The following DEPTOR variants were observed in gnomAD, a reference collection of about 807,000 sequenced individuals.
The protein encoded by DEPTOR is DEP domain containing MTOR interacting protein.
A neutral mutation model predicts 41.6 loss-of-function variants in DEPTOR; 41 were observed. That is an observed-to-expected ratio of 0.98 (90% CI 0.77 to 1.28). The LOEUF is 1.28. DEPTOR is among the 50% of genes most tolerant of loss of function. The probability of loss-of-function intolerance (pLI) is 0.00; values close to 1 mark genes in which losing one functional copy is unlikely to be tolerated. For synonymous variants in DEPTOR, 195 were observed against 192.3 expected (o/e 1.01, Z -0.12); for missense variants, 514 against 527.9 (o/e 0.97, Z 0.26).
intron 4 of DEPTOR, among the ~76,000 whole-genome samples, chr8:119,983,917 G>A (rs748340673): frequency 3.3e-5 from 5 of 152,172 alleles, no homozygotes; most frequent in Middle Eastern, 3.4e-3. Flanking sequence ...TATCTCTTCA[G>A]TCTCAAAAGC....
At chr8:120,030,497 G>GTTTTTTTTTTTGTTTTTTTTTTTTT (rs1812871335) in intron 8 of DEPTOR, among the ~76,000 whole-genome samples, 1 of 46,192 alleles carries the variant, frequency 2.2e-5, no homozygotes, top group Non-Finnish European at 3.7e-5. Flanking sequence ...AGGTTCATCA[G>GTTTTTTTTTTTGTTTTTTTTTTTTT]TTTTTTTTTT....
intron 8 of DEPTOR, among the ~76,000 whole-genome samples, chr8:120,024,234 C>T (rs1811549163): frequency 6.6e-6 from 1 of 151,824 alleles, no homozygotes; most frequent in Admixed American, 6.6e-5. Context: ...AAGACTCTGT[C>T]TCAAAAATGA....
chr8:119,955,332 G>A (rs1291305989), intron 3 of DEPTOR, among the ~76,000 whole-genome samples: 1 of 152,048 alleles, frequency 6.6e-6, no homozygotes, highest in African/African-American at 2.4e-5. Flanking sequence ...TTGTGCTTTT[G>A]GCCTCCTATC....
In DEPTOR at chr8:120,005,858, CAGG is replaced by C. The variant is rs949184036; in HGVS notation, c.926-942_926-940del. Among the ~76,000 whole-genome samples the C allele has an allele frequency of 4.3e-4, 66 of 152,236 alleles. No homozygotes were observed. The East Asian group carries it at 6.4e-3, about 15-fold the overall frequency. On this transcript the variant is annotated intron_variant, in intron 6 of 8. Coordinates refer to ENST00000286234, the MANE Select transcript of DEPTOR (RefSeq NM_022783.4). ...AGTGAGCTGATGTGAACGGGTGTCT[CAGG>C]AGGACAGCATGCCACTATCTTCCTG...
intron 4 of DEPTOR, among the ~76,000 whole-genome samples, chr8:119,995,699 C>G (rs769593056): frequency 1.3e-5 from 2 of 152,100 alleles, no homozygotes; most frequent in Non-Finnish European, 2.9e-5. Flanking sequence ...GAAATGATGT[C>G]TCTTTTAGCA....
chr8:119,937,445 G>T (rs890505406), intron 3 of DEPTOR, among the ~76,000 whole-genome samples: 12 of 152,176 alleles, frequency 7.9e-5, no homozygotes, highest in Non-Finnish European at 1.3e-4. Context: ...CACTTTCACA[G>T]TTTACTTGTG....
chr8:120,039,969 A>G (rs1188320089), intron 8 of DEPTOR, among the ~76,000 whole-genome samples: 2 of 151,946 alleles, frequency 1.3e-5, no homozygotes, highest in Non-Finnish European at 2.9e-5. Context: ...TCAGCCTCCC[A>G]AGTAGCTGGG....
rs529169261 is a variant in DEPTOR at position 119,967,131 on chromosome 8, T to G, written c.604+1721T>G. ...TCTCTCTTTGTCACCCAGGCTGGAG[T>G]GCAGTAGCATGATCTTGGCTCACTG... On this transcript the variant is annotated intron_variant, in intron 4 of 8. Coordinates refer to ENST00000286234, the MANE Select transcript of DEPTOR (RefSeq NM_022783.4). Among the ~76,000 whole-genome samples the G allele has an allele frequency of 2.6e-5, 4 of 152,038 alleles. No individual in the cohort carries two copies. In the East Asian group the frequency reaches 7.8e-4, roughly 30 times the overall value.
chr8:119,902,786 G>A (rs1359393855), intron 1 of DEPTOR, among the ~76,000 whole-genome samples: 1 of 152,150 alleles, frequency 6.6e-6, no homozygotes, highest in African/African-American at 2.4e-5. Flanking sequence ...AGTTGGATGA[G>A]GAATTATTTT....
rs189008193 is a variant in DEPTOR at position 119,947,674 on chromosome 8, G to A, written c.426-17558G>A. Among the ~76,000 whole-genome samples, 47 of 152,246 alleles carry A rather than the reference G, an allele frequency of 3.1e-4. No homozygotes were observed. The East Asian group carries it at 6.8e-3, about 22-fold the overall frequency. ...ATATTCCCAGTGACTAGCACAGGGC[G>A]GCGTATCCAGTATGTGCCTGAGACA... On this transcript the variant is annotated intron_variant, in intron 3 of 8. Coordinates refer to ENST00000286234, the MANE Select transcript of DEPTOR (RefSeq NM_022783.4).
At chr8:120,018,711 G>A (rs1812649995) in intron 8 of DEPTOR, among the ~76,000 whole-genome samples, 1 of 152,128 alleles carries the variant, frequency 6.6e-6, no homozygotes, top group African/African-American at 2.4e-5. Flanking sequence ...AAAATGATAG[G>A]GTCAATGAGC....
chr8:119,938,502 A>G (rs1828140090), intron 3 of DEPTOR, among the ~76,000 whole-genome samples: 2 of 151,986 alleles, frequency 1.3e-5, no homozygotes, highest in South Asian at 4.2e-4. Context: ...TGAAATCTGT[A>G]TCTTTCTTTT....
intron 3 of DEPTOR, among the ~76,000 whole-genome samples, chr8:119,953,892 C>A (rs1420910511): frequency 6.6e-6 from 1 of 150,706 alleles, no homozygotes; most frequent in Admixed American, 6.6e-5. Context: ...GCAACCTCCA[C>A]CTCCCCAGTT....
chr8:119,907,410 A>G (rs59559961), intron 1 of DEPTOR, among the ~76,000 whole-genome samples: 33,389 of 152,134 alleles, frequency 0.22, 4,238 homozygotes, highest in African/African-American at 0.34. Flanking sequence ...TGTTTAGTTA[A>G]TCAGCCTATA....
intron 3 of DEPTOR, among the ~76,000 whole-genome samples, chr8:119,950,785 A>G (rs1246025975): frequency 2.0e-5 from 3 of 151,980 alleles, no homozygotes; most frequent in African/African-American, 7.3e-5. Context: ...TTTAGTAGAG[A>G]TGGGGTTTTA....
chr8:119,951,008 G>A lies in DEPTOR; in HGVS notation c.426-14224G>A, dbSNP rs909379703. ...GGATTGCTTGAGCCTGGAAAGTCAAGGCTGCAGTGAGGTGTGGTCACACCA... is the reference window on the plus strand; with the variant it reads ...GGATTGCTTGAGCCTGGAAAGTCAAAGCTGCAGTGAGGTGTGGTCACACCA... On this transcript the variant is annotated intron_variant, in intron 3 of 8. Transcript: ENST00000286234. 1.4e-4 allele frequency among the ~76,000 whole-genome samples: 21 copies of A among 152,016 alleles called. 1 individual carries two copies. Among genetic ancestry groups the A allele is most frequent in the African/African-American group, 4.8e-4 (20 of 41,382 alleles).
intron 4 of DEPTOR, among the ~76,000 whole-genome samples, chr8:119,994,820 G>A (rs575018981): frequency 6.6e-6 from 1 of 151,816 alleles, no homozygotes; most frequent in South Asian, 2.1e-4. Flanking sequence ...GAGAGGCTGA[G>A]GCAGGAGAAT....
intron 7 of DEPTOR, among the ~76,000 whole-genome samples, chr8:120,008,421 C>T (rs911911659): frequency 1.3e-5 from 2 of 149,920 alleles, no homozygotes; most frequent in Non-Finnish European, 3.0e-5. Context: ...CCCAGTTACT[C>T]AGGAGGCTGA....
At chr8:119,923,806 T>C (rs9987272) in intron 1 of DEPTOR, among the ~76,000 whole-genome samples, 7,459 of 152,094 alleles carry the variant, frequency 0.049, 280 homozygotes, top group South Asian at 0.15. Context: ...TCTTGAATTG[T>C]GTTTTCTTTC....
Sources: gnomAD v4.1 joint callset for allele counts (sites outside exome capture counted in the v4.1 genomes callset) on GRCh38, gnomAD v4.1.1 for gene constraint, MANE v1.5 for transcripts, NCBI Gene and HGNC (gene_info 2026-07-23, HGNC 2026-07-21) for gene names.